Variants in IVNS1ABP observed in about 807,000 individuals in gnomAD.
The protein encoded by IVNS1ABP is influenza virus NS1A binding protein, also known as influenza virus NS1A-binding protein.
In IVNS1ABP, 25 loss-of-function variants were observed where a neutral mutation model predicts 78.9. The ratio of observed to expected loss-of-function variants is 0.32; its 90% CI spans 0.23 to 0.44. The LOEUF (loss-of-function observed/expected upper bound fraction) is 0.44. Ranked by LOEUF, IVNS1ABP falls within the 20% of genes least tolerant of loss-of-function variation. IVNS1ABP has a pLI of 1.00. For synonymous variants in IVNS1ABP, 241 were observed against 259.7 expected (o/e 0.93, Z 0.69); for missense variants, 494 against 768.9 (o/e 0.64, Z 4.23).
In IVNS1ABP at chr1:185,307,123, T is replaced by C. The variant is rs1368441837; in HGVS notation, c.548A>G (p.Glu183Gly). The change falls in exon 7 of 15, where the codon GAA becomes GGA. Residue 183 changes from glutamate (E) to glycine (G), a missense_variant. Physicochemically the swap from Glu to Gly is moderately conservative, Grantham distance 98. Coordinates refer to ENST00000367498, the MANE Select transcript of IVNS1ABP (RefSeq NM_006469.5). Reference sequence around the variant, plus strand: ...ATTGCTGGGCAAGCAAACATTATCTTCAAGCATTACCTCCAACTAGAATTG... The same window carrying C: ...ATTGCTGGGCAAGCAAACATTATCTCCAAGCATTACCTCCAACTAGAATTG... ...LPRLKLEVML[E>G]DNVCLPSNGK... 4 of 1,613,472 alleles carry C rather than the reference T, an allele frequency of 2.5e-6. No individual in the cohort carries two copies. The East Asian group carries it at 8.9e-5, about 36-fold the overall frequency.
At chr1:185,309,780 C>A (rs909778948) in intron 2 of IVNS1ABP, among the ~76,000 whole-genome samples, 1 of 152,022 alleles carries the variant, frequency 6.6e-6, no homozygotes, top group Non-Finnish European at 1.5e-5. Flanking sequence ...GCCCATTAAG[C>A]AAATTCATTC....
chr1:185,297,759 T>G lies in IVNS1ABP; in HGVS notation c.*276A>C, dbSNP rs1232015702. ...ACAAATGTGGAGGAGAGGGGACTTC[T>G]TGAAATGATGTGCCCAATCAATTCT... On this transcript the variant is annotated 3_prime_UTR_variant, in exon 15 of 15. Transcript: ENST00000367498. 22 of 425,620 alleles carry G rather than the reference T, an allele frequency of 5.2e-5. No homozygotes were observed. The East Asian group carries it at 9.1e-4, about 18-fold the overall frequency. The allele number at this position is 425,620 out of a possible 1,614,324, so 26.4% of individuals were successfully genotyped here.
At chr1:185,301,883 T>C (rs984833715) in intron 8 of IVNS1ABP, among the ~76,000 whole-genome samples, 2 of 152,282 alleles carry the variant, frequency 1.3e-5, no homozygotes, top group Admixed American at 6.5e-5. Flanking sequence ...ATATTAAGTA[T>C]AGAATCTTTT....
At chr1:185,310,482 C>T (rs1665856705) in intron 2 of IVNS1ABP, among the ~76,000 whole-genome samples, 1 of 152,066 alleles carries the variant, frequency 6.6e-6, no homozygotes, top group Non-Finnish European at 1.5e-5. Flanking sequence ...GTGGCGGGCG[C>T]CTGTAATCCC....
chr1:185,314,772 T>G (rs1160740323), intron 1 of IVNS1ABP, among the ~76,000 whole-genome samples: 1 of 152,130 alleles, frequency 6.6e-6, no homozygotes, highest in East Asian at 1.9e-4. Flanking sequence ...TTAACATCAA[T>G]TATCAAAATT....
chr1:185,312,681 C>T (rs541929396), intron 1 of IVNS1ABP, among the ~76,000 whole-genome samples: 1 of 152,284 alleles, frequency 6.6e-6, no homozygotes, highest in African/African-American at 2.4e-5. Flanking sequence ...TATTGATTTC[C>T]TCTGCTCTAC....
chr1:185,311,117 A>G lies in IVNS1ABP; in HGVS notation c.-41T>C, dbSNP rs1665876141. ...TACCTACTCTGTTGGTGGCAAATGT[A>G]TTTCTGGGAACTCTTAAGTAATCCA... On this transcript the variant is annotated 5_prime_UTR_variant, in exon 2 of 15. Transcript: ENST00000367498. The G allele has an allele frequency of 2.7e-6, 1 of 371,872 alleles. No homozygotes were observed. Among genetic ancestry groups the G allele is most frequent in the Non-Finnish European group, 4.8e-6 (1 of 208,702 alleles). The allele number at this position is 371,872 out of a possible 1,614,324, so 23.0% of individuals were successfully genotyped here. A position where few individuals can be genotyped will look rare whatever the true frequency, so the allele number is the denominator to read the frequency against.
At position 185,298,357 on chromosome 1, in the gene IVNS1ABP, G is replaced by C; in HGVS notation, c.1676-69C>G. Reference sequence around the variant, plus strand: ...AATAAGGTAAAACTCCCCTAAATCTGTCTTTTGCTTAAAAATCAGTGGTTT... The same window carrying C: ...AATAAGGTAAAACTCCCCTAAATCTCTCTTTTGCTTAAAAATCAGTGGTTT... On this transcript the variant is annotated intron_variant, in intron 14 of 14. Coordinates refer to ENST00000367498, the MANE Select transcript of IVNS1ABP (RefSeq NM_006469.5). This position sits in a 1 kb window ranked among gnomAD's most constrained non-coding sequence, Gnocchi z 4.1. 1 of 1,403,680 alleles carries C rather than the reference G, an allele frequency of 7.1e-7. No individual in the cohort carries two copies. The highest frequency in any genetic ancestry group is 9.7e-7 in the Non-Finnish European group (1 of 1,029,080). The allele number at this position is 1,403,680 out of a possible 1,614,324, so 87.0% of individuals were successfully genotyped here.
chr1:185,315,249 C>T (rs764220582), intron 1 of IVNS1ABP, among the ~76,000 whole-genome samples: 2 of 152,170 alleles, frequency 1.3e-5, no homozygotes, highest in Admixed American at 6.5e-5. Context: ...TATTTAAAAA[C>T]GTATTTGCAA....
intron 8 of IVNS1ABP, 115 bp from the exon 9 acceptor site, chr1:185,301,678 G>GGTGAA: frequency 6.1e-6 from 7 of 1,150,702 alleles, no homozygotes; most frequent in Non-Finnish European, 8.7e-6. Context: ...GACATTTATA[G>GGTGAA]GACACTAACT....
At position 185,297,138 on chromosome 1, in the gene IVNS1ABP, T is replaced by G. The variant is rs980899260; in HGVS notation, c.*897A>C. ...TTTTTCACAATTGAGGGCTGCTATTTAGGACTGTTTTGTTAATAATAAAAA... is the reference window on the plus strand; with the variant it reads ...TTTTTCACAATTGAGGGCTGCTATTGAGGACTGTTTTGTTAATAATAAAAA... On this transcript the variant is annotated 3_prime_UTR_variant, in exon 15 of 15. Coordinates refer to ENST00000367498, the MANE Select transcript of IVNS1ABP (RefSeq NM_006469.5). 2.0e-5 allele frequency: 3 copies of G among 152,188 alleles called. No homozygotes were observed. The highest frequency in any genetic ancestry group is 6.6e-5 in the Admixed American group (1 of 15,262). 9.4% of individuals were successfully genotyped at this position (152,188 alleles called of 1,614,324 possible).
intron 2 of IVNS1ABP, among the ~76,000 whole-genome samples, chr1:185,310,579 G>C (rs1006315896): frequency 6.6e-6 from 1 of 152,110 alleles, no homozygotes; most frequent in African/African-American, 2.4e-5. Flanking sequence ...CTCCAGCCTG[G>C]GCAACAGAGA....
At chr1:185,312,804 C>T (rs1385530360) in intron 1 of IVNS1ABP, among the ~76,000 whole-genome samples, 1 of 152,054 alleles carries the variant, frequency 6.6e-6, no homozygotes, top group East Asian at 1.9e-4. Context: ...CCTAAAGAAA[C>T]CTTCAAACAT....
Position 185,305,019 on chromosome 1 carries a change from T to A in IVNS1ABP, c.765+517A>T, listed in dbSNP as rs1259678798. 6.6e-6 allele frequency among the ~76,000 whole-genome samples: 1 copy of A among 152,186 alleles called. No homozygotes were observed. Among genetic ancestry groups the A allele is most frequent in the Non-Finnish European group, 1.5e-5 (1 of 68,018 alleles). ...TGGAACTCTACTATATTTTAATTCA[T>A]CTTGGTTAAAGAAACATCTAGATCA... On this transcript the variant is annotated intron_variant, in intron 8 of 14. Transcript: ENST00000367498. The surrounding 1 kb of genome is among the most constrained non-coding windows in gnomAD (Gnocchi z 4.0).
chr1:185,309,092 A>G lies in IVNS1ABP; in HGVS notation c.192T>C (p.Asp64=), dbSNP rs1665817689. 1.2e-6 allele frequency: 2 copies of G among 1,612,760 alleles called. No individual in the cohort carries two copies. Among genetic ancestry groups the G allele is most frequent in the Non-Finnish European group, 1.7e-6 (2 of 1,178,976 alleles). The part of the protein sequence containing the change: ...SPYLFEIFNS[D]SDPHGISHVK... The stretch of plus-strand genomic sequence containing the variant: ...CGTGAGAAATTCCATGAGGATCACT[A>G]TCACTATTAAAGATTTCAAATAAAT... The change falls in exon 4 of 15, where the codon GAT becomes GAC. Residue 64 remains aspartate, a synonymous_variant. Coordinates refer to ENST00000367498, the MANE Select transcript of IVNS1ABP (RefSeq NM_006469.5).
chr1:185,311,145 G>A lies in IVNS1ABP; in HGVS notation c.-69C>T. The A allele has an allele frequency of 2.6e-6, 1 of 377,776 alleles. No homozygotes were observed. The highest frequency in any genetic ancestry group is 4.7e-6 in the Non-Finnish European group (1 of 212,546). The allele number at this position is 377,776 out of a possible 1,614,324, so 23.4% of individuals were successfully genotyped here. On this transcript the variant is annotated 5_prime_UTR_variant, in exon 2 of 15. Coordinates refer to ENST00000367498, the MANE Select transcript of IVNS1ABP (RefSeq NM_006469.5). Reference sequence around the variant, plus strand: ...TCTGGGAACTCTTAAGTAATCCAAGGACAAAGGAGTGTTAAAAGGTGCACT... The same window carrying A: ...TCTGGGAACTCTTAAGTAATCCAAGAACAAAGGAGTGTTAAAAGGTGCACT...
intron 1 of IVNS1ABP, among the ~76,000 whole-genome samples, chr1:185,315,082 T>C (rs1440795241): frequency 6.6e-6 from 1 of 152,204 alleles, no homozygotes; most frequent in Non-Finnish European, 1.5e-5. Flanking sequence ...CACTAGCACA[T>C]GCACATGACA....
chr1:185,304,129 C>A (rs932257388), intron 8 of IVNS1ABP, among the ~76,000 whole-genome samples: 21 of 152,136 alleles, frequency 1.4e-4, no homozygotes, highest in Middle Eastern at 6.8e-3. Context: ...GTGAAATATC[C>A]CTGGCTTCTC....
At chr1:185,302,041 C>G (rs1665615768) in intron 8 of IVNS1ABP, among the ~76,000 whole-genome samples, 1 of 152,142 alleles carries the variant, frequency 6.6e-6, no homozygotes, top group East Asian at 1.9e-4. Flanking sequence ...ATAGATTCAT[C>G]CAGTTTCTCT....
Sources: allele counts gnomAD v4.1 joint callset (sites outside exome capture counted in the v4.1 genomes callset), GRCh38; gene constraint gnomAD v4.1.1; non-coding constraint Gnocchi (gnomAD v3.1); transcripts MANE v1.5; gene names NCBI Gene and HGNC (gene_info 2026-07-23, HGNC 2026-07-21).